AURKA: variants seen among roughly 807,000 people sequenced by gnomAD.
AURKA encodes the protein aurora kinase A, also known as aurora 2.
A neutral mutation model predicts 40.9 loss-of-function variants in AURKA; 12 were observed. That is an observed-to-expected ratio of 0.29 (90% CI 0.19 to 0.48). The LOEUF (loss-of-function observed/expected upper bound fraction) is 0.48, where lower values mean the gene tolerates loss of function less well. Among genes scored for constraint, AURKA ranks in the 20% least tolerant of loss-of-function variants. The pLI is 0.99. For synonymous variants in AURKA, 170 were observed against 164.3 expected (o/e 1.03, Z -0.26); for missense variants, 322 against 462.1 (o/e 0.70, Z 2.78).
At chr20:56,380,730 T>C (rs1338026531) in intron 6 of AURKA, among the ~76,000 whole-genome samples, 1 of 152,230 alleles carries the variant, frequency 6.6e-6, no homozygotes, top group African/African-American at 2.4e-5. Flanking sequence ...CATAAGAGTT[T>C]ACATCCCTGG....
In AURKA at chr20:56,373,676, C is replaced by A; in HGVS notation, c.706-120G>T. 9.1e-7 allele frequency: 1 copy of A among 1,101,250 alleles called. No individual in the cohort carries two copies. Among genetic ancestry groups the A allele is most frequent in the South Asian group, 1.4e-5 (1 of 72,484 alleles). 68.2% of individuals were successfully genotyped at this position (1,101,250 alleles called of 1,614,324 possible). ...ACATGGTTTGCAGGTTTTGGCCAGG[C>A]ACAGTGGCTCACACCTATAATCCCA... On this transcript the variant is annotated intron_variant, in intron 6 of 8. Transcript: ENST00000395915. The surrounding 1 kb of genome is among the most constrained non-coding windows in gnomAD (Gnocchi z 5.0).
At chr20:56,389,107 C>T (rs1986734417) in intron 1 of AURKA, among the ~76,000 whole-genome samples, 1 of 152,232 alleles carries the variant, frequency 6.6e-6, no homozygotes, top group Admixed American at 6.5e-5. Context: ...CTTCACTTCA[C>T]TTCCAGGTTT....
chr20:56,369,745 A>G lies in AURKA; in HGVS notation c.*413T>C, dbSNP rs6099117. 63 of 377,650 alleles carry G rather than the reference A, an allele frequency of 1.7e-4. No individual in the cohort carries two copies. Among genetic ancestry groups the G allele is most frequent in the African/African-American group, 1.1e-3 (58 of 50,558 alleles). The allele number at this position is 377,650 out of a possible 1,614,324, so 23.4% of individuals were successfully genotyped here. A position where few individuals can be genotyped will look rare whatever the true frequency, so the allele number is the denominator to read the frequency against. On this transcript the variant is annotated 3_prime_UTR_variant, in exon 9 of 9. Transcript: ENST00000395915. ...AGCTTTACCAGGCTTCGCCAACCCA[A>G]TAAGTTACACACTCACTCAGGTACT...
At chr20:56,371,382 A>G (rs994365930) in intron 7 of AURKA, among the ~76,000 whole-genome samples, 2 of 152,000 alleles carry the variant, frequency 1.3e-5, no homozygotes, top group Non-Finnish European at 2.9e-5. Flanking sequence ...GAATGGCGTG[A>G]ACCCGGGAGG....
Position 56,381,475 on chromosome 20 carries a change from T to C in AURKA, c.663A>G (p.Glu221=), listed in dbSNP as rs1319280545. Residue 221 remains glutamate, a synonymous_variant, in exon 6 of 9, where the codon GAA becomes GAG. Transcript: ENST00000395915. ...EYAPLGTVYR[E]LQKLSKFDEQ... ...CATCAAACTTTGAAAGTTTCTGAAGTTCTCTATAAACTGTTCCAAGTGGTG... is the reference window on the plus strand; with the variant it reads ...CATCAAACTTTGAAAGTTTCTGAAGCTCTCTATAAACTGTTCCAAGTGGTG... 1 of 1,613,800 alleles carries C rather than the reference T, an allele frequency of 6.2e-7. No homozygotes were observed. The highest frequency in any genetic ancestry group is 1.1e-5 in the South Asian group (1 of 91,066).
intron 3 of AURKA, among the ~76,000 whole-genome samples, chr20:56,385,716 C>T (rs1195612763): frequency 4.6e-5 from 7 of 152,174 alleles, no homozygotes. Flanking sequence ...CTGCCTCGGT[C>T]TCCCAAAGCG....
chr20:56,389,592 C>A (rs1490796178), intron 1 of AURKA, among the ~76,000 whole-genome samples: 1 of 152,154 alleles, frequency 6.6e-6, no homozygotes, highest in Non-Finnish European at 1.5e-5. Flanking sequence ...CCAGACCTCT[C>A]CCCTGAACTC....
chr20:56,390,182 G>A (rs182519403), intron 1 of AURKA, among the ~76,000 whole-genome samples: 4 of 152,090 alleles, frequency 2.6e-5, no homozygotes, highest in Non-Finnish European at 4.4e-5. Context: ...CTTGTCAACC[G>A]TGTACCAGCC....
intron 6 of AURKA, among the ~76,000 whole-genome samples, chr20:56,375,947 G>C (rs759669358): frequency 8.3e-4 from 126 of 152,332 alleles, no homozygotes; most frequent in Non-Finnish European, 1.6e-3. Flanking sequence ...ACAGGTACAT[G>C]TGTATTCATT....
At chr20:56,387,570 G>A (rs1037231435) in intron 2 of AURKA, among the ~76,000 whole-genome samples, 1 of 152,220 alleles carries the variant, frequency 6.6e-6, no homozygotes, top group African/African-American at 2.4e-5. Flanking sequence ...ATTTCCTTCA[G>A]CTTCAACAGC....
At chr20:56,389,500 T>C (rs1386749008) in intron 1 of AURKA, among the ~76,000 whole-genome samples, 1 of 152,104 alleles carries the variant, frequency 6.6e-6, no homozygotes, top group Non-Finnish European at 1.5e-5. Context: ...CATCTCCAAT[T>C]ACTCCCTAGC....
At chr20:56,387,795 G>A (rs947511812) in intron 2 of AURKA, among the ~76,000 whole-genome samples, 13 of 152,136 alleles carry the variant, frequency 8.5e-5, no homozygotes, top group Admixed American at 6.5e-5. Context: ...TTAAATGGCC[G>A]TTATCATAGG....
At chr20:56,372,989 T>C (rs544571069) in intron 7 of AURKA, among the ~76,000 whole-genome samples, 2 of 152,202 alleles carry the variant, frequency 1.3e-5, no homozygotes, top group South Asian at 2.1e-4. Flanking sequence ...TTCCCTGATA[T>C]GGCCTGCACT....
rs33923703 is a variant in AURKA, at chr20:56,370,253, T to C, written c.1117A>G (p.Met373Val). The C allele has an allele frequency of 0.021, 34,034 of 1,614,178 alleles. 489 individuals carry two copies. Among genetic ancestry groups the C allele is most frequent in the Non-Finnish European group, 0.023 (27,303 of 1,180,028 alleles). The part of the protein sequence containing the change: ...LLKHNPSQRP[M>V]LREVLEHPWI... The stretch of plus-strand genomic sequence containing the variant: ...GGGTGTTCAAGTACTTCTCTGAGCA[T>C]TGGCCTCTGGCTGGGATTATGCTTC... The change falls in exon 9 of 9, where the codon ATG becomes GTG. Residue 373 changes from methionine to valine, a missense_variant. Coordinates refer to ENST00000395915, the MANE Select transcript of AURKA (RefSeq NM_198437.3).
intron 6 of AURKA, among the ~76,000 whole-genome samples, chr20:56,374,749 G>A (rs1274402744): frequency 6.6e-6 from 1 of 152,028 alleles, no homozygotes; most frequent in African/African-American, 2.4e-5. Context: ...TTACCATCTT[G>A]TAAGAAAAGT....
intron 3 of AURKA, among the ~76,000 whole-genome samples, chr20:56,385,671 G>A (rs1986268592): frequency 6.6e-6 from 1 of 151,954 alleles, no homozygotes; most frequent in African/African-American, 2.4e-5. Flanking sequence ...ATGTTGGTCA[G>A]ACTGGTCTCC....
At chr20:56,371,826 A>T (rs1984275235) in intron 7 of AURKA, among the ~76,000 whole-genome samples, 1 of 152,232 alleles carries the variant, frequency 6.6e-6, no homozygotes, top group Non-Finnish European at 1.5e-5. Flanking sequence ...CTTAGGAGTG[A>T]TCATGGTTCT....
intron 6 of AURKA, among the ~76,000 whole-genome samples, chr20:56,380,856 A>G (rs1360284099): frequency 6.6e-6 from 1 of 152,242 alleles, no homozygotes; most frequent in Non-Finnish European, 1.5e-5. Flanking sequence ...GTTAATAGTT[A>G]TATATCAATA....
At chr20:56,389,206 G>C (rs941911180) in intron 1 of AURKA, among the ~76,000 whole-genome samples, 4 of 148,832 alleles carry the variant, frequency 2.7e-5, no homozygotes, top group Non-Finnish European at 4.5e-5. Context: ...TCAAGAACGA[G>C]TCCCTGGACC....
Sources: allele counts gnomAD v4.1 joint callset (sites outside exome capture counted in the v4.1 genomes callset), GRCh38; gene constraint gnomAD v4.1.1; non-coding constraint Gnocchi (gnomAD v3.1); transcripts MANE v1.5; gene names NCBI Gene and HGNC (gene_info 2026-07-23, HGNC 2026-07-21).